Variants in ARRDC4 observed in about 807,000 individuals in gnomAD.
ARRDC4 encodes arrestin domain-containing protein 4.
In ARRDC4, 40 loss-of-function variants were observed where a neutral mutation model predicts 44.6. The ratio of observed to expected loss-of-function variants is 0.90; its 90% CI spans 0.70 to 1.17. The LOEUF (loss-of-function observed/expected upper bound fraction) is 1.17. Among genes scored for constraint, ARRDC4 ranks in the 50% most tolerant of loss-of-function variants. ARRDC4 has a pLI of 0.00. For missense variants in ARRDC4, 550 were observed against 559.1 expected (o/e 0.98, Z 0.16); for synonymous variants, 211 against 221.2 (o/e 0.95, Z 0.41).
In ARRDC4 at chr15:97,966,003, G is replaced by T; in HGVS notation, c.483G>T (p.Gln161His). 6.2e-7 allele frequency: 1 copy of T among 1,614,114 alleles called. No homozygotes were observed. Among genetic ancestry groups the T allele is most frequent in the South Asian group, 1.1e-5 (1 of 91,076 alleles). ...ATCAGAGTGTAAAGCGGGAACTCCA[G>T]GTTGTTAGTCATGTCGATGTCAACA... is the stretch of plus-strand genomic sequence containing the variant. ...VPDQSVKREL[Q>H]VVSHVDVNTP... Residue 161 changes from glutamine to histidine, a missense_variant, in exon 3 of 8, where the codon CAG becomes CAT. Gln to His is a conservative substitution (Grantham distance 24). Transcript: ENST00000268042. The surrounding 1 kb of genome is among the most constrained non-coding windows in gnomAD (Gnocchi z 4.7).
intron 1 of ARRDC4, among the ~76,000 whole-genome samples, 181 bp downstream of exon 1, chr15:97,961,349 C>G (rs947242826): frequency 4.6e-5 from 7 of 152,206 alleles, no homozygotes; most frequent in Admixed American, 4.6e-4. Context: ...CGCAGCTCTT[C>G]CTGGCGCCCC....
In ARRDC4 at chr15:97,970,559, T is replaced by A. The variant is rs1899491610; in HGVS notation, c.1046-30T>A. The A allele has an allele frequency of 1.9e-6, 3 of 1,579,822 alleles. No individual in the cohort carries two copies. Among genetic ancestry groups the A allele is most frequent in the Non-Finnish European group, 2.6e-6 (3 of 1,158,488 alleles). ...AATCGAGATTAATTTTTGAGTGGAT[T>A]TCTTAACTCCAACTTCATTTCTATT... On this transcript the variant is annotated intron_variant, in intron 6 of 7. Transcript: ENST00000268042. The surrounding 1 kb of genome is among the most constrained non-coding windows in gnomAD (Gnocchi z 4.2).
In ARRDC4 at chr15:97,966,752, T is replaced by C. The variant is rs573826399; in HGVS notation, c.522+710T>C. On this transcript the variant is annotated intron_variant, in intron 3 of 7. Coordinates refer to ENST00000268042, the MANE Select transcript of ARRDC4 (RefSeq NM_183376.3). The surrounding 1 kb of genome is among the most constrained non-coding windows in gnomAD (Gnocchi z 4.7). ...ATCAAAATAATATAAAATTATACCT[T>C]GTACTTTCATGATAGCTACTAGGAC... Among the ~76,000 whole-genome samples, 17 of 152,326 alleles carry C rather than the reference T, an allele frequency of 1.1e-4. No homozygotes were observed. Among genetic ancestry groups the C allele is most frequent in the Non-Finnish European group, 2.5e-4 (17 of 68,016 alleles).
Position 97,970,990 on chromosome 15 carries a change from A to G in ARRDC4, c.1201-141A>G. The G allele has an allele frequency of 1.0e-6, 1 of 988,470 alleles. No homozygotes were observed. Among genetic ancestry groups the G allele is most frequent in the Non-Finnish European group, 1.5e-6 (1 of 647,926 alleles). The allele number at this position is 988,470 out of a possible 1,614,324, so 61.2% of individuals were successfully genotyped here. On this transcript the variant is annotated intron_variant, in intron 7 of 7. Transcript: ENST00000268042. The surrounding 1 kb of genome is among the most constrained non-coding windows in gnomAD (Gnocchi z 4.2). ...TTAAGGTGTGTTATTTGGCCATGGAATATAGAGAACTTAAGCACCTTCTGG... is the reference window on the plus strand; with the variant it reads ...TTAAGGTGTGTTATTTGGCCATGGAGTATAGAGAACTTAAGCACCTTCTGG...
rs911932196 is a variant in ARRDC4 at position 97,968,689 on chromosome 15, C to T, written c.626-434C>T. Among the ~76,000 whole-genome samples, 5 of 152,162 alleles carry T rather than the reference C, an allele frequency of 3.3e-5. No homozygotes were observed. The highest frequency in any genetic ancestry group is 5.9e-5 in the Non-Finnish European group (4 of 68,026). On this transcript the variant is annotated intron_variant, in intron 4 of 7. Transcript: ENST00000268042. This position sits in a 1 kb window ranked among gnomAD's most constrained non-coding sequence, Gnocchi z 5.4. Reference sequence around the variant, plus strand: ...TGTTATAAAACTTGCCTAATCCATCCGTTGATTCTTTCTGTGCCTTAACAT... The same window carrying T: ...TGTTATAAAACTTGCCTAATCCATCTGTTGATTCTTTCTGTGCCTTAACAT...
rs1225196797 is a variant in ARRDC4 at position 97,972,134 on chromosome 15, G to A, written c.*947G>A. The A allele has an allele frequency of 6.6e-6, 1 of 152,490 alleles. No homozygotes were observed. Among genetic ancestry groups the A allele is most frequent in the Admixed American group, 6.5e-5 (1 of 15,270 alleles). 9.4% of individuals were successfully genotyped at this position (152,490 alleles called of 1,614,324 possible). A position where few individuals can be genotyped will look rare whatever the true frequency, so the allele number is the denominator to read the frequency against. On this transcript the variant is annotated 3_prime_UTR_variant, in exon 8 of 8. Transcript: ENST00000268042. This position sits in a 1 kb window ranked among gnomAD's most constrained non-coding sequence, Gnocchi z 5.3. ...TCTCTCGCCCTGAGTACTCTTCTTG[G>A]GAGTTGCTGCTGTTTACAGCCACAG...
Position 97,971,131 on chromosome 15 carries a change from G to T in ARRDC4, c.1201G>T (p.Val401Phe). 13 of 1,612,330 alleles carry T rather than the reference G, an allele frequency of 8.1e-6. No individual in the cohort carries two copies. Among genetic ancestry groups the T allele is most frequent in the Non-Finnish European group, 1.1e-5 (13 of 1,179,050 alleles). ...RFQPPPLYSE[V>F]DPHPSDVEES... Reference sequence around the variant, plus strand: ...ATCTCAGTCCGCTCTTTTTTTGCAGGTTGACCCACATCCTAGCGACGTAGA... The same window carrying T: ...ATCTCAGTCCGCTCTTTTTTTGCAGTTTGACCCACATCCTAGCGACGTAGA... Residue 401 changes from valine to phenylalanine, a missense_variant and splice_region_variant, in exon 8 of 8, where the codon GTT (valine) becomes TTT (phenylalanine). Val to Phe is a conservative substitution (Grantham distance 50). Coordinates refer to ENST00000268042, the MANE Select transcript of ARRDC4 (RefSeq NM_183376.3).
Position 97,971,356 on chromosome 15 carries a change from A to G in ARRDC4, c.*169A>G. The stretch of plus-strand genomic sequence containing the variant: ...GAGAAAGTTCTGGTGGGCCGGCAGG[A>G]TTGCCGCACAAGTTTATATGATGGT... On this transcript the variant is annotated 3_prime_UTR_variant, in exon 8 of 8. Transcript: ENST00000268042. The G allele has an allele frequency of 1.5e-6, 1 of 655,482 alleles. No individual in the cohort carries two copies. Among genetic ancestry groups the G allele is most frequent in the Non-Finnish European group, 2.6e-6 (1 of 383,502 alleles). 40.6% of individuals were successfully genotyped at this position (655,482 alleles called of 1,614,324 possible).
rs777019244 is a variant in ARRDC4 at position 97,969,904 on chromosome 15, G to A, written c.904G>A (p.Ala302Thr). ...SLAVYIHIPG[A>T]KKLMLELPLV... ...TTAGGTATACATTCACATTCCTGGT[G>A]CTAAAAAATTGATGCTCGAACTGCC... is the stretch of plus-strand genomic sequence containing the variant. Residue 302 changes from alanine to threonine, a missense_variant, in exon 6 of 8, where the codon GCT (alanine) becomes ACT (threonine). Coordinates refer to ENST00000268042, the MANE Select transcript of ARRDC4 (RefSeq NM_183376.3). 1.5e-5 allele frequency: 24 copies of A among 1,590,992 alleles called. No individual in the cohort carries two copies. The highest frequency in any genetic ancestry group is 5.1e-5 in the Admixed American group (3 of 58,564).
At position 97,968,164 on chromosome 15, in the gene ARRDC4, T is replaced by G. The variant is rs2141535330; in HGVS notation, c.625+48T>G. On this transcript the variant is annotated intron_variant, in intron 4 of 7. Transcript: ENST00000268042. This position sits in a 1 kb window ranked among gnomAD's most constrained non-coding sequence, Gnocchi z 5.4. Reference sequence around the variant, plus strand: ...CAAATGAAAGATTTCATTCATTTTCTTAGCTAATTTTAAGTGATTTTAAAT... The same window carrying G: ...CAAATGAAAGATTTCATTCATTTTCGTAGCTAATTTTAAGTGATTTTAAAT... 1.6e-6 allele frequency: 2 copies of G among 1,275,362 alleles called. No homozygotes were observed. The highest frequency in any genetic ancestry group is 1.1e-6 in the Non-Finnish European group (1 of 922,070). 79.0% of individuals were successfully genotyped at this position (1,275,362 alleles called of 1,614,324 possible). A position where few individuals can be genotyped will look rare whatever the true frequency, so the allele number is the denominator to read the frequency against.
chr15:97,971,082 G>A (rs754916089), intron 7 of ARRDC4, 49 bp from the exon 8 acceptor site: 42 of 1,585,824 alleles, frequency 2.6e-5, no homozygotes, highest in Admixed American at 8.4e-5. Context: ...TACTAGAATC[G>A]TTTTAAATAA....
At position 97,968,099 on chromosome 15, in the gene ARRDC4, G is replaced by A. The variant is rs928875224; in HGVS notation, c.608G>A (p.Arg203Lys). 6.2e-7 allele frequency: 1 copy of A among 1,600,900 alleles called. No homozygotes were observed. Among genetic ancestry groups the A allele is most frequent in the Non-Finnish European group, 8.5e-7 (1 of 1,173,392 alleles). Residue 203 changes from arginine (R) to lysine (K), a missense_variant, in exon 4 of 8, where the codon AGA becomes AAA. By Grantham distance (26) the Arg-to-Lys change is conservative. Coordinates refer to ENST00000268042, the MANE Select transcript of ARRDC4 (RefSeq NM_183376.3). The surrounding 1 kb of genome is among the most constrained non-coding windows in gnomAD (Gnocchi z 5.4). Reference protein sequence around the residue: ...GPVSLSAKIERKGYCNGEAIP... With the variant: ...GPVSLSAKIEKKGYCNGEAIP... The stretch of plus-strand genomic sequence containing the variant: ...GTCTCGCTGAGTGCCAAAATTGAAA[G>A]AAAGGGATACTGTAATGGTAAGCAA...
chr15:97,972,227 T>C lies in ARRDC4; in HGVS notation c.*1040T>C, dbSNP rs1899528903. 6.6e-6 allele frequency: 1 copy of C among 152,488 alleles called. No individual in the cohort carries two copies. The highest frequency in any genetic ancestry group is 1.5e-5 in the Non-Finnish European group (1 of 68,004). 9.4% of individuals were successfully genotyped at this position (152,488 alleles called of 1,614,324 possible). On this transcript the variant is annotated 3_prime_UTR_variant, in exon 8 of 8. Coordinates refer to ENST00000268042, the MANE Select transcript of ARRDC4 (RefSeq NM_183376.3). This position sits in a 1 kb window ranked among gnomAD's most constrained non-coding sequence, Gnocchi z 5.3. ...TCAGTAAGTTAGCGTTAAATGGAAG[T>C]AAATATATGTATACCTAAGAGAATG...
intron 5 of ARRDC4, 39 bp from the exon 6 acceptor site, chr15:97,969,844 T>C: frequency 1.3e-6 from 2 of 1,522,778 alleles, no homozygotes; most frequent in Non-Finnish European, 1.8e-6. Context: ...TAGCTTACAT[T>C]TGTTCCTTTC....
chr15:97,965,452 C>T lies in ARRDC4; in HGVS notation c.308-148C>T. The stretch of plus-strand genomic sequence containing the variant: ...ACACGCACACACACCCCCCTTCAAA[C>T]TTAATTCTCTACATTTGTTTAATGA... On this transcript the variant is annotated intron_variant, in intron 1 of 7. Transcript: ENST00000268042. The surrounding 1 kb of genome is among the most constrained non-coding windows in gnomAD (Gnocchi z 5.1). The T allele has an allele frequency of 1.5e-6, 1 of 669,048 alleles. No individual in the cohort carries two copies. Among genetic ancestry groups the T allele is most frequent in the East Asian group, 2.8e-5 (1 of 36,238 alleles). 41.4% of individuals were successfully genotyped at this position (669,048 alleles called of 1,614,324 possible).
chr15:97,969,412 T>A (rs752827148), intron 5 of ARRDC4, 33 bp downstream of exon 5: 1 of 1,605,464 alleles, frequency 6.2e-7, no homozygotes, highest in South Asian at 1.1e-5. Context: ...AAAAAATGTG[T>A]ATGATGGACA....
chr15:97,971,278 C>T lies in ARRDC4; in HGVS notation c.*91C>T. The T allele has an allele frequency of 7.8e-7, 1 of 1,284,190 alleles. No homozygotes were observed. Among genetic ancestry groups the T allele is most frequent in the Non-Finnish European group, 1.1e-6 (1 of 890,750 alleles). 79.5% of individuals were successfully genotyped at this position (1,284,190 alleles called of 1,614,324 possible). ...TTGGGAAAGAGACAGGAAAGATTCA[C>T]TTGAAAACATAAATGAACGTCAAGA... On this transcript the variant is annotated 3_prime_UTR_variant, in exon 8 of 8. Coordinates refer to ENST00000268042, the MANE Select transcript of ARRDC4 (RefSeq NM_183376.3).
At position 97,970,061 on chromosome 15, in the gene ARRDC4, G is replaced by A. The variant is rs754444766; in HGVS notation, c.1045+16G>A. On this transcript the variant is annotated intron_variant, in intron 6 of 7. Transcript: ENST00000268042. This position sits in a 1 kb window ranked among gnomAD's most constrained non-coding sequence, Gnocchi z 4.2. ...CAGCCTGAAGGTAAAATATGTTGGC[G>A]TTCTTTCATAACGAAGCTTTACCTA... The A allele has an allele frequency of 3.8e-5, 60 of 1,598,956 alleles. No homozygotes were observed. Among genetic ancestry groups the A allele is most frequent in the South Asian group, 7.7e-5 (7 of 90,438 alleles).
At position 97,965,081 on chromosome 15, in the gene ARRDC4, T is replaced by C. The variant is rs1033438053; in HGVS notation, c.308-519T>C. 5.3e-5 allele frequency among the ~76,000 whole-genome samples: 8 copies of C among 151,788 alleles called. No homozygotes were observed. Among genetic ancestry groups the C allele is most frequent in the African/African-American group, 1.9e-4 (8 of 41,280 alleles). ...GTTCTGAACCTTAGCACTTTAGTAA[T>C]TGGTCTATTTGAGAATGGAATATAT... On this transcript the variant is annotated intron_variant, in intron 1 of 7. Coordinates refer to ENST00000268042, the MANE Select transcript of ARRDC4 (RefSeq NM_183376.3). The surrounding 1 kb of genome is among the most constrained non-coding windows in gnomAD (Gnocchi z 5.1).
Sources: gnomAD v4.1 joint callset for allele counts (sites outside exome capture counted in the v4.1 genomes callset) on GRCh38, gnomAD v4.1.1 for gene constraint, Gnocchi (gnomAD v3.1) non-coding constraint, MANE v1.5 for transcripts, NCBI Gene and HGNC (gene_info 2026-07-23, HGNC 2026-07-21) for gene names.